The following ACP3 variants were observed in gnomAD, a reference collection of about 807,000 sequenced individuals.
The protein encoded by ACP3 is prostatic acid phosphatase.
ACP3 carries 38 observed loss-of-function variants against 45.6 expected under a neutral mutation model. The ratio of observed to expected loss-of-function variants is 0.83; its 90% confidence interval spans 0.64 to 1.09. The LOEUF (loss-of-function observed/expected upper bound fraction) is 1.09. Among genes scored for constraint, ACP3 ranks in the 50% least tolerant of loss-of-function variants. The pLI, the probability that ACP3 is intolerant of heterozygous loss-of-function variation, is 0.00. For missense variants in ACP3, 466 were observed against 463.2 expected (o/e 1.01, Z -0.05); for synonymous variants, 162 against 164.7 (o/e 0.98, Z 0.13).
At chr3:132,343,529 A>AT (rs1023123037) in intron 6 of ACP3, among the ~76,000 whole-genome samples, 29 of 151,832 alleles carry the variant, frequency 1.9e-4, no homozygotes, top group African/African-American at 7.0e-4. Context: ...TCCAGTCATA[A>AT]TTTTTTTTTC....
At chr3:132,318,562 C>A (rs574226792) in intron 1 of ACP3, among the ~76,000 whole-genome samples, 2 of 151,628 alleles carry the variant, frequency 1.3e-5, no homozygotes, top group East Asian at 3.9e-4. Context: ...AATATGATAC[C>A]CATGTGCTTA....
chr3:132,344,726 G>A (rs1178029572), intron 6 of ACP3, among the ~76,000 whole-genome samples: 2 of 152,100 alleles, frequency 1.3e-5, no homozygotes, highest in African/African-American at 4.8e-5. Flanking sequence ...GACTGGGTAG[G>A]AATGGGTAAA....
rs781506317 is a variant in ACP3 at position 132,345,064 on chromosome 3, G to A, written c.781+5G>A. The A allele has an allele frequency of 1.2e-6, 2 of 1,611,912 alleles. No homozygotes were observed. Among genetic ancestry groups the A allele is most frequent in the Non-Finnish European group, 1.7e-6 (2 of 1,178,874 alleles). On this transcript the variant is annotated splice_donor_5th_base_variant and intron_variant, in intron 7 of 9. Transcript: ENST00000336375. Reference sequence around the variant, plus strand: ...AGAAATCTAGGCTCCAAGGGGGTAAGTATTAAAAAATGAGAGGAGCATATT... The same window carrying A: ...AGAAATCTAGGCTCCAAGGGGGTAAATATTAAAAAATGAGAGGAGCATATT...
intron 3 of ACP3, 113 bp from the exon 4 acceptor site, chr3:132,332,079 C>A: frequency 8.6e-7 from 1 of 1,169,370 alleles, no homozygotes; most frequent in South Asian, 1.4e-5. Flanking sequence ...AGCACAATGT[C>A]TGTAATATTT....
At chr3:132,349,861 T>C in intron 7 of ACP3, 59 bp from the exon 8 acceptor site, 1 of 1,235,528 alleles carries the variant, frequency 8.1e-7, no homozygotes, top group Non-Finnish European at 1.2e-6. Context: ...AAAAAGCTAA[T>C]GAACTAAAAT....
rs1559831197 is a variant in ACP3 at position 132,331,628 on chromosome 3, T to C, written c.217-19T>C. On this transcript the variant is annotated intron_variant, in intron 2 of 9. Transcript: ENST00000336375. ...AGAACTTACTTTCATTAATTTTTGC[T>C]TTTATTTTTTTCCCATAGCTGGGCA... is the stretch of plus-strand genomic sequence containing the variant. 5 of 1,565,678 alleles carry C rather than the reference T, an allele frequency of 3.2e-6. No homozygotes were observed. The highest frequency in any genetic ancestry group is 3.4e-6 in the Non-Finnish European group (4 of 1,162,866).
At chr3:132,329,753 G>A (rs1937365326) in intron 2 of ACP3, among the ~76,000 whole-genome samples, 1 of 151,996 alleles carries the variant, frequency 6.6e-6, no homozygotes, top group Admixed American at 6.6e-5. Flanking sequence ...GAATCACTTG[G>A]GAATCTTGTC....
chr3:132,324,218 CAA>C (rs35597004), intron 1 of ACP3, among the ~76,000 whole-genome samples: 12 of 73,966 alleles, frequency 1.6e-4, no homozygotes, highest in Non-Finnish European at 1.9e-4. Context: ...GACTCCATCT[CAA>C]AAAAAAAAAA....
At chr3:132,355,427 T>C (rs564151365) in intron 9 of ACP3, among the ~76,000 whole-genome samples, 1 of 152,236 alleles carries the variant, frequency 6.6e-6, no homozygotes, top group East Asian at 1.9e-4. Flanking sequence ...TAAGTACCCA[T>C]TCATAATACA....
chr3:132,360,800 A>C (rs1382517814), downstream of ACP3, among the ~76,000 whole-genome samples: 1 of 152,226 alleles, frequency 6.6e-6, no homozygotes, highest in Non-Finnish European at 1.5e-5. Flanking sequence ...ACAAATACAC[A>C]TGCCCAAGAT....
chr3:132,358,858 G>A, downstream of ACP3: 1 of 984,852 alleles, frequency 1.0e-6, no homozygotes, highest in Non-Finnish European at 1.2e-6. Flanking sequence ...TTTGTGTTTG[G>A]GGTTTTTGTT....
intron 7 of ACP3, among the ~76,000 whole-genome samples, chr3:132,346,459 G>T (rs1937609692): frequency 6.6e-6 from 1 of 152,172 alleles, no homozygotes; most frequent in Non-Finnish European, 1.5e-5. Context: ...ATAGAAATGT[G>T]CAAGTCCTTA....
At chr3:132,364,919 A>G (rs953824435) in intron 10 of ACP3, among the ~76,000 whole-genome samples, 7 of 152,214 alleles carry the variant, frequency 4.6e-5, no homozygotes, top group Admixed American at 4.6e-4. Context: ...ATTTCCACTG[A>G]GTCCTTTCTT....
chr3:132,331,597 A>T, intron 2 of ACP3, 50 bp from the exon 3 acceptor site: 1 of 1,426,484 alleles, frequency 7.0e-7, no homozygotes, highest in Non-Finnish European at 9.6e-7. Flanking sequence ...TGATAGTGTG[A>T]TTCATAGAAC....
intron 9 of ACP3, among the ~76,000 whole-genome samples, chr3:132,355,630 G>A (rs535076798): frequency 1.3e-5 from 2 of 151,874 alleles, no homozygotes; most frequent in Non-Finnish European, 2.9e-5. Flanking sequence ...TGATTCTCCC[G>A]CCCCAGCCTC....
Position 132,332,211 on chromosome 3 carries a change from A to C in ACP3, c.323A>C (p.Asp108Ala), listed in dbSNP as rs1434399458. The change falls in exon 4 of 10, where the codon GAC (aspartate) becomes GCC (alanine). Residue 108 changes from aspartate to alanine, a missense_variant. Coordinates refer to ENST00000336375, the MANE Select transcript of ACP3 (RefSeq NM_001099.5). ...CTCTAGGTTTATATTCGAAGCACAGACGTTGACCGGACTTTGATGAGTGCT... is the reference window on the plus strand; with the variant it reads ...CTCTAGGTTTATATTCGAAGCACAGCCGTTGACCGGACTTTGATGAGTGCT... The part of the protein sequence containing the change: ...KHEQVYIRST[D>A]VDRTLMSAMT... 1 of 1,614,120 alleles carries C rather than the reference A, an allele frequency of 6.2e-7. No individual in the cohort carries two copies.
At position 132,318,628 on chromosome 3, in the gene ACP3, T is replaced by C. The variant is rs780694836; in HGVS notation, c.120+1052T>C. Among the ~76,000 whole-genome samples the C allele has an allele frequency of 2.2e-4, 33 of 152,150 alleles. 1 individual carries two copies. Among genetic ancestry groups the C allele is most frequent in the Non-Finnish European group, 4.6e-4 (31 of 68,030 alleles). On this transcript the variant is annotated intron_variant, in intron 1 of 9. Transcript: ENST00000336375. ...TCCTTACTAGGTCATGAGTCAACAATGACAGAAAACCCAGTGAAACAAACT... is the reference window on the plus strand; with the variant it reads ...TCCTTACTAGGTCATGAGTCAACAACGACAGAAAACCCAGTGAAACAAACT...
At chr3:132,330,904 G>A (rs1315800297) in intron 2 of ACP3, among the ~76,000 whole-genome samples, 1 of 152,230 alleles carries the variant, frequency 6.6e-6, no homozygotes, top group Non-Finnish European at 1.5e-5. Flanking sequence ...TGGAATCTCT[G>A]ATGGAGATGC....
rs1295032451 is a variant in ACP3, at chr3:132,317,422, C to T, written c.-35C>T. Reference sequence around the variant, plus strand: ...ACAGGCTTTTGAAGTGGTAGCAGTTCCTCCTAACTCCTGCCAGAAACAGCT... The same window carrying T: ...ACAGGCTTTTGAAGTGGTAGCAGTTTCTCCTAACTCCTGCCAGAAACAGCT... On this transcript the variant is annotated 5_prime_UTR_variant, in exon 1 of 10. Coordinates refer to ENST00000336375, the MANE Select transcript of ACP3 (RefSeq NM_001099.5). 1 of 1,598,252 alleles carries T rather than the reference C, an allele frequency of 6.3e-7. No individual in the cohort carries two copies.
Sources: gnomAD v4.1 joint callset for allele counts (sites outside exome capture counted in the v4.1 genomes callset) on GRCh38, gnomAD v4.1.1 for gene constraint, MANE v1.5 for transcripts, NCBI Gene and HGNC (gene_info 2026-07-23, HGNC 2026-07-21) for gene names.